The following MARCHF1 variants were observed in gnomAD, a reference collection of about 807,000 sequenced individuals.
MARCHF1 encodes the protein E3 ubiquitin-protein ligase MARCHF1.
Under a neutral mutation model 54.2 loss-of-function variants are expected in MARCHF1, and 40 were observed. The ratio of observed to expected loss-of-function variants is 0.74; its 90% confidence interval spans 0.57 to 0.96. MARCHF1 has a LOEUF of 0.96. Ranked by LOEUF, MARCHF1 falls within the 40% of genes least tolerant of loss-of-function variation. The pLI is 0.00. For missense variants in MARCHF1, 586 were observed against 656.5 expected, an observed-to-expected ratio of 0.89 and a Z score of 1.17; for synonymous variants, 236 against 236.3, an observed-to-expected ratio of 1.00 and a Z score of 0.01.
intron 9 of MARCHF1, among the ~76,000 whole-genome samples, chr4:163,542,995 A>G (rs1204298220): frequency 5.3e-5 from 8 of 152,088 alleles, no homozygotes; most frequent in African/African-American, 1.9e-4. Flanking sequence ...TGTTTTACAG[A>G]GAGAGGAAAG....
intron 1 of MARCHF1, among the ~76,000 whole-genome samples, chr4:164,264,329 A>G (rs1235530296): frequency 6.6e-6 from 1 of 152,144 alleles, no homozygotes; most frequent in Non-Finnish European, 1.5e-5. Context: ...ACTGGGGTCT[A>G]CATGAGGGTG....
At chr4:164,076,712 A>G (rs955373962) in intron 2 of MARCHF1, among the ~76,000 whole-genome samples, 6 of 152,228 alleles carry the variant, frequency 3.9e-5, no homozygotes, top group Non-Finnish European at 5.9e-5. Flanking sequence ...ATCAATGTGC[A>G]AAAATCACAA....
intron 8 of MARCHF1, among the ~76,000 whole-genome samples, chr4:163,565,701 C>A (rs1739622601): frequency 1.3e-5 from 2 of 152,276 alleles, no homozygotes; most frequent in South Asian, 2.1e-4. Flanking sequence ...AAGCACTTCA[C>A]CCCCAGAAGG....
At chr4:163,855,134 C>T (rs1202494165) in intron 3 of MARCHF1, among the ~76,000 whole-genome samples, 13 of 152,074 alleles carry the variant, frequency 8.5e-5, no homozygotes, top group Non-Finnish European at 1.3e-4. Flanking sequence ...AACGGTTGCA[C>T]TAACAGATTT....
At chr4:163,840,221 A>T (rs985976706) in intron 4 of MARCHF1, among the ~76,000 whole-genome samples, 2 of 152,102 alleles carry the variant, frequency 1.3e-5, no homozygotes, top group Non-Finnish European at 2.9e-5. Context: ...ATTCACTGTA[A>T]TGGTTTTATT....
intron 3 of MARCHF1, among the ~76,000 whole-genome samples, chr4:163,968,700 G>A (rs1054349403): frequency 6.6e-6 from 1 of 152,112 alleles, no homozygotes; most frequent in Admixed American, 6.6e-5. Flanking sequence ...GAGAACCATA[G>A]GATTGTAGAT....
chr4:163,573,610 A>G lies in MARCHF1; in HGVS notation c.1191+12139T>C, dbSNP rs537922040. ...AGTTTACTGAGAATGATGATTTCCA[A>G]CTTCATCCATGTCCCTACAAAGGAC... On this transcript the variant is annotated intron_variant, in intron 8 of 9. Transcript: ENST00000514618. 7.3e-5 allele frequency among the ~76,000 whole-genome samples: 11 copies of G among 151,468 alleles called. No homozygotes were observed. The South Asian group carries it at 2.1e-3, about 29-fold the overall frequency.
intron 2 of MARCHF1, among the ~76,000 whole-genome samples, chr4:164,032,880 C>T (rs1427552653): frequency 6.6e-6 from 1 of 152,116 alleles, no homozygotes; most frequent in Non-Finnish European, 1.5e-5. Context: ...AAGCTGGAGG[C>T]ATCATGCTAC....
intron 5 of MARCHF1, among the ~76,000 whole-genome samples, chr4:163,636,407 C>G (rs1742325737): frequency 6.9e-6 from 1 of 145,204 alleles, no homozygotes; most frequent in Admixed American, 7.1e-5. Context: ...TCTCAGGATA[C>G]AAAATCAATG....
At chr4:163,945,357 G>A (rs4604018) in intron 3 of MARCHF1, among the ~76,000 whole-genome samples, 149,557 of 152,290 alleles carry the variant, frequency 0.98, 73,508 homozygotes, top group Middle Eastern at 1. Context: ...CTGCTGTCCT[G>A]TGAGATATTT....
At chr4:163,703,080 G>A (rs561584254) in intron 4 of MARCHF1, among the ~76,000 whole-genome samples, 7 of 151,970 alleles carry the variant, frequency 4.6e-5, no homozygotes, top group Non-Finnish European at 1.0e-4. Flanking sequence ...ATAATATCTT[G>A]GAAATCTGTG....
intron 5 of MARCHF1, among the ~76,000 whole-genome samples, chr4:163,659,476 T>C (rs967005049): frequency 2.0e-5 from 3 of 152,054 alleles, no homozygotes; most frequent in African/African-American, 7.2e-5. Context: ...GCAGTACCAT[T>C]CAGGACATAG....
chr4:163,774,659 T>C (rs868409111), intron 4 of MARCHF1, among the ~76,000 whole-genome samples: 24 of 152,206 alleles, frequency 1.6e-4, no homozygotes, highest in Non-Finnish European at 1.2e-4. Flanking sequence ...CAAGCCCAGC[T>C]AATTTTTTCT....
intron 7 of MARCHF1, 80 bp downstream of exon 7, chr4:163,612,190 GT>G (rs1741363765): frequency 1.7e-6 from 2 of 1,155,914 alleles, no homozygotes; most frequent in African/African-American, 3.2e-5. Flanking sequence ...AGTTTTGAGG[GT>G]AGGTGTCAAA....
chr4:164,319,470 C>T (rs1735081494), intron 1 of MARCHF1, among the ~76,000 whole-genome samples: 1 of 152,104 alleles, frequency 6.6e-6, no homozygotes, highest in South Asian at 2.1e-4. Flanking sequence ...ACTAATTCAC[C>T]CCAAACTGTG....
chr4:164,050,453 T>A (rs1754340329), intron 2 of MARCHF1, among the ~76,000 whole-genome samples: 1 of 152,134 alleles, frequency 6.6e-6, no homozygotes, highest in African/African-American at 2.4e-5. Flanking sequence ...TTGTGAGTTT[T>A]ACCTTCAAAA....
At chr4:164,276,934 C>CTATACATA (rs1553997971) in intron 1 of MARCHF1, among the ~76,000 whole-genome samples, 1 of 115,422 alleles carries the variant, frequency 8.7e-6, no homozygotes, top group African/African-American at 3.2e-5. Flanking sequence ...GTCTCATATT[C>CTATACATA]TATATATATA....
chr4:164,351,301 T>C lies in MARCHF1; in HGVS notation c.-323+32569A>G, dbSNP rs532915942. ...TGCCTGCCTCTGTAGGCTCCACCTC[T>C]GGGGGCAGGGCACAGTCAAACAAAA... On this transcript the variant is annotated intron_variant, in intron 1 of 9. Coordinates refer to ENST00000514618, the MANE Select transcript of MARCHF1 (RefSeq NM_001394959.1). Among the ~76,000 whole-genome samples the C allele has an allele frequency of 9.9e-5, 15 of 151,090 alleles. No homozygotes were observed. The East Asian group carries it at 3.0e-3, about 30-fold the overall frequency.
intron 1 of MARCHF1, among the ~76,000 whole-genome samples, chr4:164,287,209 A>C (rs192821728): frequency 6.6e-6 from 1 of 151,494 alleles, no homozygotes; most frequent in East Asian, 1.9e-4. Flanking sequence ...CTCTCAGGTC[A>C]AGGCTTCTAC....
Sources: allele counts gnomAD v4.1 joint callset (sites outside exome capture counted in the v4.1 genomes callset), GRCh38; gene constraint gnomAD v4.1.1; transcripts MANE v1.5; gene names NCBI Gene and HGNC (gene_info 2026-07-23, HGNC 2026-07-21).